The following RPH3A variants were observed in gnomAD, a reference collection of about 807,000 sequenced individuals.
The protein encoded by RPH3A is rabphilin 3A.
A neutral mutation model predicts 102.2 loss-of-function variants in RPH3A; 48 were observed. That is an observed-to-expected ratio of 0.47 (90% CI 0.37 to 0.60). RPH3A has a LOEUF of 0.60. RPH3A is among the 20% of genes least tolerant of loss of function. RPH3A has a pLI of 0.00. For missense variants in RPH3A, 781 were observed against 910.1 expected (o/e 0.86, Z 1.83); for synonymous variants, 310 against 324.3 (o/e 0.96, Z 0.47).
chr12:112,804,411 C>T (rs571153944), intron 2 of RPH3A, among the ~76,000 whole-genome samples: 2 of 152,244 alleles, frequency 1.3e-5, no homozygotes, highest in South Asian at 2.1e-4. Flanking sequence ...GACCACCAGA[C>T]CACCCAACAG....
chr12:112,619,083 T>C (rs1240021157), intron 1 of RPH3A, among the ~76,000 whole-genome samples: 2 of 152,236 alleles, frequency 1.3e-5, no homozygotes, highest in Non-Finnish European at 1.5e-5. Flanking sequence ...GTATATCACA[T>C]TTTATTTATC....
chr12:112,591,200 C>G (rs1395736846), intron 1 of RPH3A, among the ~76,000 whole-genome samples: 1 of 152,170 alleles, frequency 6.6e-6, no homozygotes. Flanking sequence ...ATCCTCCCAC[C>G]TCAGCCTCCT....
At chr12:112,836,418 T>G in intron 3 of RPH3A, 73 bp from the exon 4 acceptor site, 2 of 858,084 alleles carry the variant, frequency 2.3e-6, no homozygotes, top group Non-Finnish European at 3.6e-6. Flanking sequence ...ATCCAGACAG[T>G]GTAGATATTG....
At chr12:112,673,245 T>G (rs896073389) in intron 1 of RPH3A, among the ~76,000 whole-genome samples, 3 of 152,204 alleles carry the variant, frequency 2.0e-5, no homozygotes, top group African/African-American at 7.2e-5. Flanking sequence ...GAGCCTCAAC[T>G]CACAGTAATG....
At chr12:112,707,539 C>A (rs1275777036) in intron 1 of RPH3A, among the ~76,000 whole-genome samples, 2 of 152,150 alleles carry the variant, frequency 1.3e-5, no homozygotes, top group African/African-American at 4.8e-5. Context: ...TAGTCCTAAC[C>A]ACAAATAGGG....
chr12:112,833,739 T>A (rs1206023290), intron 3 of RPH3A, among the ~76,000 whole-genome samples: 1 of 152,072 alleles, frequency 6.6e-6, no homozygotes, highest in Non-Finnish European at 1.5e-5. Flanking sequence ...TGTTTTTTTT[T>A]TTTTTTTAAA....
chr12:112,637,270 A>G (rs181889245), intron 1 of RPH3A, among the ~76,000 whole-genome samples: 68 of 152,298 alleles, frequency 4.5e-4, no homozygotes, highest in Admixed American at 1.2e-3. Flanking sequence ...TCATTTAAAT[A>G]TATACTTTAT....
chr12:112,609,345 C>G (rs1248270530), intron 1 of RPH3A, among the ~76,000 whole-genome samples: 2 of 152,226 alleles, frequency 1.3e-5, no homozygotes, highest in African/African-American at 4.8e-5. Flanking sequence ...TGGAATTAGA[C>G]TGTTCTTCCT....
At position 112,580,490 on chromosome 12, in the gene RPH3A, G is replaced by A. The variant is rs549709417; in HGVS notation, c.-140+5171G>A. On this transcript the variant is annotated intron_variant, in intron 1 of 21. Transcript: ENST00000543106. ...GCGATCTCGGCTCACTGCAAGCTCC[G>A]CCTCCCGAGTTCGCGCCATTCTCCT... is the stretch of plus-strand genomic sequence containing the variant. 8.6e-4 allele frequency among the ~76,000 whole-genome samples: 117 copies of A among 135,886 alleles called. 1 individual carries two copies. Among genetic ancestry groups the A allele is most frequent in the African/African-American group, 3.1e-3 (112 of 36,486 alleles). The allele number at this position is 135,886 out of a possible 152,430, so 89.1% of individuals were successfully genotyped here.
intron 7 of RPH3A, 92 bp downstream of exon 7, chr12:112,866,932 G>T: frequency 1.1e-6 from 1 of 885,198 alleles, no homozygotes; most frequent in South Asian, 1.5e-5. Context: ...AAAGGACCCA[G>T]CTCAGCAGTG....
chr12:112,671,970 A>G (rs1383528505), intron 1 of RPH3A, among the ~76,000 whole-genome samples: 1 of 151,642 alleles, frequency 6.6e-6, no homozygotes, highest in Non-Finnish European at 1.5e-5. Context: ...GGCTTAAGAC[A>G]ACAACTATTT....
chr12:112,757,264 A>G (rs1199994000), intron 1 of RPH3A, among the ~76,000 whole-genome samples: 1 of 152,256 alleles, frequency 6.6e-6, no homozygotes, highest in Non-Finnish European at 1.5e-5. Flanking sequence ...AAAGCCAAAG[A>G]TCTCACATTT....
intron 1 of RPH3A, among the ~76,000 whole-genome samples, chr12:112,661,124 C>T (rs1397819065): frequency 2.0e-5 from 3 of 152,078 alleles, no homozygotes; most frequent in South Asian, 2.1e-4. Context: ...GTATGGAATG[C>T]GTCATCTAGA....
chr12:112,874,945 AAG>A, intron 10 of RPH3A, 137 bp from the exon 11 acceptor site: 1 of 625,754 alleles, frequency 1.6e-6, no homozygotes, highest in Non-Finnish European at 2.8e-6. Flanking sequence ...AAGAGTCAGA[AAG>A]AGCTGAGCGA....
intron 1 of RPH3A, among the ~76,000 whole-genome samples, chr12:112,641,285 A>G (rs1196107190): frequency 6.6e-6 from 1 of 152,252 alleles, no homozygotes; most frequent in Non-Finnish European, 1.5e-5. Flanking sequence ...AGCCTATCTC[A>G]GGATCCTAGC....
chr12:112,861,470 G>T (rs11066437), intron 5 of RPH3A, among the ~76,000 whole-genome samples: 22 of 152,162 alleles, frequency 1.4e-4, no homozygotes, highest in African/African-American at 5.3e-4. Flanking sequence ...ATCGAGCAGG[G>T]TGGAGGTTGG....
intron 5 of RPH3A, among the ~76,000 whole-genome samples, chr12:112,860,493 A>G (rs1432873255): frequency 1.3e-5 from 2 of 152,176 alleles, no homozygotes; most frequent in Non-Finnish European, 2.9e-5. Context: ...AGCAGGCAAT[A>G]GGTGGGGAGG....
intron 4 of RPH3A, among the ~76,000 whole-genome samples, chr12:112,840,607 G>T (rs2042125643): frequency 6.6e-6 from 1 of 152,190 alleles, no homozygotes; most frequent in Admixed American, 6.5e-5. Context: ...TAAAGTTTGA[G>T]AAGTGATGAA....
At chr12:112,759,907 T>C (rs2040844147) in intron 1 of RPH3A, among the ~76,000 whole-genome samples, 1 of 152,146 alleles carries the variant, frequency 6.6e-6, no homozygotes, top group African/African-American at 2.4e-5. Flanking sequence ...TGATCAGCCC[T>C]GAGAACCAGC....
Sources: gnomAD v4.1 joint callset for allele counts (sites outside exome capture counted in the v4.1 genomes callset) on GRCh38, gnomAD v4.1.1 for gene constraint, MANE v1.5 for transcripts, NCBI Gene and HGNC (gene_info 2026-07-23, HGNC 2026-07-21) for gene names.